EPM2A: variants seen among roughly 807,000 people sequenced by gnomAD.
EPM2A encodes EPM2A glucan phosphatase, laforin, also known as laforin.
A neutral mutation model predicts 26.5 loss-of-function variants in EPM2A; 21 were observed. That is an observed-to-expected ratio of 0.79 (90% CI 0.56 to 1.14). The LOEUF (loss-of-function observed/expected upper bound fraction) is 1.14, where lower values mean the gene tolerates loss of function less well. EPM2A is among the 50% of genes most tolerant of loss of function. EPM2A has a pLI of 0.00. For missense variants in EPM2A, 458 were observed against 440.8 expected (o/e 1.04, Z -0.35); for synonymous variants, 217 against 177.6 (o/e 1.22, Z -1.76).
At chr6:145,607,181 A>G (rs985155598) in intron 2 of EPM2A, among the ~76,000 whole-genome samples, 3 of 152,188 alleles carry the variant, frequency 2.0e-5, no homozygotes, top group African/African-American at 7.2e-5. Context: ...TAACCTCGTT[A>G]AAGTTTTATA....
intron 2 of EPM2A, among the ~76,000 whole-genome samples, chr6:145,671,754 C>T (rs1434953598): frequency 6.6e-6 from 1 of 152,004 alleles, no homozygotes; most frequent in African/African-American, 2.4e-5. Context: ...AATTATTGTT[C>T]TATAGTGTGT....
At chr6:145,583,432 G>A (rs761799080) in intron 2 of EPM2A, among the ~76,000 whole-genome samples, 8 of 152,078 alleles carry the variant, frequency 5.3e-5, no homozygotes, top group Middle Eastern at 3.2e-3. Flanking sequence ...TTCATGGCTC[G>A]GCTCAGCACT....
At chr6:145,614,854 A>C (rs994813937) in intron 2 of EPM2A, among the ~76,000 whole-genome samples, 1 of 152,244 alleles carries the variant, frequency 6.6e-6, no homozygotes, top group Non-Finnish European at 1.5e-5. Context: ...AGAATTGCAA[A>C]AGTGTAGACA....
chr6:145,691,126 C>CA (rs1781256048), intron 1 of EPM2A, among the ~76,000 whole-genome samples: 1 of 151,968 alleles, frequency 6.6e-6, no homozygotes, highest in Non-Finnish European at 1.5e-5. Flanking sequence ...TCAAATTTGG[C>CA]AAGAGGCAAA....
At chr6:145,404,794 T>C (rs1406624170) in intron 4 of EPM2A, among the ~76,000 whole-genome samples, 1 of 152,114 alleles carries the variant, frequency 6.6e-6, no homozygotes, top group African/African-American at 2.4e-5. Context: ...AAAGTATAGG[T>C]CCTTTCTCCT....
intron 2 of EPM2A, among the ~76,000 whole-genome samples, chr6:145,512,584 C>A (rs1191325623): frequency 6.6e-6 from 1 of 151,194 alleles, no homozygotes. Context: ...TGGTGGTGGG[C>A]GCCTGTAATC....
intron 2 of EPM2A, among the ~76,000 whole-genome samples, chr6:145,572,245 C>T (rs953630654): frequency 6.6e-6 from 1 of 152,182 alleles, no homozygotes; most frequent in Non-Finnish European, 1.5e-5. Context: ...TTGTGCAGAA[C>T]CATCTGTGAA....
At chr6:145,432,969 C>T (rs995768636) in intron 4 of EPM2A, among the ~76,000 whole-genome samples, 1 of 152,002 alleles carries the variant, frequency 6.6e-6, no homozygotes, top group African/African-American at 2.4e-5. Context: ...CCAACTTTTC[C>T]TCTGCAGCTT....
downstream of EPM2A, among the ~76,000 whole-genome samples, chr6:145,499,635 A>T (rs1779862259): frequency 2.6e-5 from 4 of 152,244 alleles, no homozygotes; most frequent in South Asian, 8.3e-4. Flanking sequence ...TCATTCATGC[A>T]TGAGTGAGTG....
At chr6:145,700,795 C>T (rs1013635778) in intron 1 of EPM2A, among the ~76,000 whole-genome samples, 1 of 152,120 alleles carries the variant, frequency 6.6e-6, no homozygotes, top group African/African-American at 2.4e-5. Context: ...ACATATTTGG[C>T]ATAAAATATG....
At chr6:145,496,040 T>C (rs1779815216) in intron 4 of EPM2A, among the ~76,000 whole-genome samples, 1 of 152,222 alleles carries the variant, frequency 6.6e-6, no homozygotes, top group African/African-American at 2.4e-5. Context: ...TAAAGGATCT[T>C]ATTTCTTCTT....
At chr6:145,653,994 A>G (rs1778075579) in intron 2 of EPM2A, among the ~76,000 whole-genome samples, 1 of 152,106 alleles carries the variant, frequency 6.6e-6, no homozygotes, top group South Asian at 2.1e-4. Flanking sequence ...GATTTATTTA[A>G]TTTATATATT....
At chr6:145,705,403 G>A in intron 1 of EPM2A, 1 of 356,230 alleles carries the variant, frequency 2.8e-6, no homozygotes, top group Non-Finnish European at 5.5e-6. Flanking sequence ...ACACACACAA[G>A]TTAGCTGGGC....
At chr6:145,469,126 G>A (rs1213421693) in intron 4 of EPM2A, among the ~76,000 whole-genome samples, 1 of 152,072 alleles carries the variant, frequency 6.6e-6, no homozygotes, top group Non-Finnish European at 1.5e-5. Flanking sequence ...TATGGCAGAA[G>A]GCAAAGGGGA....
At chr6:145,566,144 G>A (rs1780881722) in intron 2 of EPM2A, among the ~76,000 whole-genome samples, 1 of 152,116 alleles carries the variant, frequency 6.6e-6, no homozygotes, top group Non-Finnish European at 1.5e-5. Context: ...TAACACAAAA[G>A]GCAGTGACAG....
intron 1 of EPM2A, among the ~76,000 whole-genome samples, chr6:145,734,271 T>TA (rs1181241514): frequency 6.6e-6 from 1 of 152,166 alleles, no homozygotes; most frequent in African/African-American, 2.4e-5. Context: ...AATACATATC[T>TA]ACGTGTAGTG....
chr6:145,518,503 G>T (rs1780159574), intron 2 of EPM2A, among the ~76,000 whole-genome samples: 1 of 147,770 alleles, frequency 6.8e-6, no homozygotes. Context: ...TTCAGCTCTT[G>T]CTTTGCCCTT....
rs140279419 is a variant in EPM2A, at chr6:145,695,725, G to A, written c.302-9429C>T. ...AGAAGGTAATTATATAATGATAAAG[G>A]TGTCAATTCTTCAACATTTATAAAT... On this transcript the variant is annotated intron_variant, in intron 1 of 3. Transcript: ENST00000367519. 3.3e-3 allele frequency among the ~76,000 whole-genome samples: 497 copies of A among 152,070 alleles called. 3 individuals are homozygous for A. Among genetic ancestry groups the A allele is most frequent in the African/African-American group, 0.011 (465 of 41,540 alleles).
chr6:145,689,667 C>A (rs1483790371), intron 1 of EPM2A, among the ~76,000 whole-genome samples: 1 of 152,240 alleles, frequency 6.6e-6, no homozygotes, highest in Non-Finnish European at 1.5e-5. Flanking sequence ...AATAACTACA[C>A]TACTCCAGTC....
Sources: gnomAD v4.1 joint callset for allele counts (sites outside exome capture counted in the v4.1 genomes callset) on GRCh38, gnomAD v4.1.1 for gene constraint, MANE v1.5 for transcripts, NCBI Gene and HGNC (gene_info 2026-07-23, HGNC 2026-07-21) for gene names.